Variants in DMD observed in about 807,000 individuals in gnomAD.
DMD encodes the protein mutant dystrophin.
Under a neutral mutation model 330.1 loss-of-function variants are expected in DMD, and 63 were observed. That is an observed-to-expected ratio of 0.19 (90% confidence interval 0.16 to 0.24). DMD has a LOEUF of 0.24. DMD is among the 10% of genes least tolerant of loss of function. The pLI is 1.00. For synonymous variants in DMD, 1,223 were observed against 959.8 expected (o/e 1.27, Z -5.07); for missense variants, 3,344 against 2,684.1 (o/e 1.25, Z -5.43).
At chrX:31,591,710 T>G (rs2076881112) in intron 55 of DMD, among the ~76,000 whole-genome samples, 1 of 111,203 alleles carries the variant, frequency 9.0e-6, no homozygotes, top group Non-Finnish European at 1.9e-5. Context: ...CGGGGGAGAT[T>G]CTCTCTCATT....
intron 1 of DMD, among the ~76,000 whole-genome samples, chrX:33,240,313 G>A (rs749243389): frequency 8.9e-6 from 1 of 111,838 alleles, no homozygotes. Context: ...GTAAGATAAC[G>A]TGGTATTTTT....
intron 60 of DMD, among the ~76,000 whole-genome samples, chrX:31,367,011 T>C (rs1447876959): frequency 9.0e-6 from 1 of 111,528 alleles, no homozygotes. Flanking sequence ...GTAGTCTCTT[T>C]TGTGATTGGC....
At position 31,574,438 on chromosome X, in the gene DMD, C is replaced by T. The variant is rs191722757; in HGVS notation, c.8217+53235G>A. Among the ~76,000 whole-genome samples, 404 of 110,856 alleles carry T rather than the reference C, an allele frequency of 3.6e-3. 3 individuals are homozygous for T. Among genetic ancestry groups the T allele is most frequent in the African/African-American group, 0.012 (380 of 30,561 alleles). The stretch of plus-strand genomic sequence containing the variant: ...GATTACAGGTGTGAGCCACTGTGCC[C>T]GGCTGCAAAGGATTATCTTTAAGTT... On this transcript the variant is annotated intron_variant, in intron 55 of 78. Coordinates refer to ENST00000357033, the MANE Select transcript of DMD (RefSeq NM_004006.3).
chrX:31,560,408 A>G (rs1367796467), intron 55 of DMD, among the ~76,000 whole-genome samples: 1 of 112,076 alleles, frequency 8.9e-6, no homozygotes, highest in East Asian at 2.8e-4. Flanking sequence ...AGGAACCATG[A>G]AAGAAAAGAC....
At chrX:32,866,956 A>T (rs891226366) in intron 2 of DMD, among the ~76,000 whole-genome samples, 1 of 111,031 alleles carries the variant, frequency 9.0e-6, no homozygotes, top group African/African-American at 3.3e-5. Context: ...GGCCAGTCTC[A>T]AACTCCTGAC....
intron 60 of DMD, among the ~76,000 whole-genome samples, chrX:31,358,255 C>A (rs755632836): frequency 7.5e-4 from 84 of 111,560 alleles, no homozygotes; most frequent in African/African-American, 2.6e-3. Flanking sequence ...TGTGGCTTTA[C>A]ATAGTGCAGA....
intron 16 of DMD, among the ~76,000 whole-genome samples, chrX:32,561,443 G>C (rs1367602187): frequency 1.8e-5 from 2 of 111,492 alleles, no homozygotes; most frequent in African/African-American, 6.5e-5. Context: ...AAGACAGGCA[G>C]AAAAGATTAG....
intron 1 of DMD, among the ~76,000 whole-genome samples, chrX:33,337,824 GA>G (rs1307757255): frequency 9.0e-6 from 1 of 111,693 alleles, no homozygotes; most frequent in Non-Finnish European, 1.9e-5. Flanking sequence ...CTAACATTCA[GA>G]AAAAAAGTTA....
chrX:31,579,286 CCAA>C (rs1241388064), intron 55 of DMD, among the ~76,000 whole-genome samples: 3 of 112,125 alleles, frequency 2.7e-5, no homozygotes, highest in African/African-American at 9.7e-5. Context: ...AATGAGCAAT[CCAA>C]CAACATTAAG....
chrX:31,571,098 A>G (rs2075787927), intron 55 of DMD, among the ~76,000 whole-genome samples: 1 of 111,769 alleles, frequency 8.9e-6, no homozygotes, highest in South Asian at 3.7e-4. Context: ...GAAAAAATCA[A>G]TACTTTAATA....
chrX:32,616,690 CTT>C (rs1173392895), intron 11 of DMD, among the ~76,000 whole-genome samples: 3 of 60,221 alleles, frequency 5.0e-5, no homozygotes, highest in African/African-American at 7.8e-5. Flanking sequence ...GTTCTGGTTC[CTT>C]TTTTTTTTTT....
chrX:31,561,513 A>G (rs1327514781), intron 55 of DMD, among the ~76,000 whole-genome samples: 1 of 112,039 alleles, frequency 8.9e-6, no homozygotes, highest in Non-Finnish European at 1.9e-5. Flanking sequence ...TCCTCCTTCA[A>G]CAGTGCTAGT....
chrX:32,335,512 CATGTGT>C (rs200797855), intron 41 of DMD, among the ~76,000 whole-genome samples: 1,471 of 62,021 alleles, frequency 0.024, 21 homozygotes, highest in African/African-American at 0.053. Flanking sequence ...ATATATATAA[CATGTGT>C]ATGTTATATA....
At chrX:32,694,116 C>T (rs997496150) in intron 9 of DMD, among the ~76,000 whole-genome samples, 4 of 111,607 alleles carry the variant, frequency 3.6e-5, no homozygotes, top group African/African-American at 1.3e-4. Flanking sequence ...CTTCTGGATT[C>T]CAGAATGCCA....
intron 13 of DMD, among the ~76,000 whole-genome samples, chrX:32,589,605 T>G (rs375784425): frequency 2.7e-5 from 3 of 111,469 alleles, no homozygotes; most frequent in African/African-American, 9.8e-5. Context: ...TATTTACATT[T>G]ATATCTATAG....
intron 47 of DMD, among the ~76,000 whole-genome samples, chrX:31,902,531 C>T (rs2094435473): frequency 9.0e-6 from 1 of 111,571 alleles, no homozygotes; most frequent in Admixed American, 9.6e-5. Flanking sequence ...AAAAAATTAG[C>T]TGATTGAACC....
chrX:32,207,138 A>T (rs1456737), intron 44 of DMD, among the ~76,000 whole-genome samples: 2 of 110,558 alleles, frequency 1.8e-5, no homozygotes, highest in East Asian at 5.7e-4. Context: ...GTGTGGTAGT[A>T]GTCAGTATCA....
intron 50 of DMD, among the ~76,000 whole-genome samples, chrX:31,793,812 A>G (rs974072151): frequency 8.9e-6 from 1 of 112,157 alleles, no homozygotes; most frequent in African/African-American, 3.2e-5. Flanking sequence ...TTAGATTGGG[A>G]CCCTCTGTAT....
chrX:31,970,442 G>A (rs2150198739), intron 44 of DMD, among the ~76,000 whole-genome samples: 1 of 109,284 alleles, frequency 9.2e-6, no homozygotes, highest in South Asian at 3.8e-4. Context: ...AGTTGCAAGT[G>A]ATAATTTGTT....
Sources: gnomAD v4.1 joint callset for allele counts (sites outside exome capture counted in the v4.1 genomes callset) on GRCh38, gnomAD v4.1.1 for gene constraint, MANE v1.5 for transcripts, NCBI Gene and HGNC (gene_info 2026-07-23, HGNC 2026-07-21) for gene names.